Variants in TAMM41 observed in about 807,000 individuals in gnomAD.
TAMM41 encodes the protein TAM41 mitochondrial translocator assembly and maintenance homolog, also known as phosphatidate cytidylyltransferase, mitochondrial.
In TAMM41, 36 loss-of-function variants were observed where a neutral mutation model predicts 44.1. That is an observed-to-expected ratio of 0.82 (90% CI 0.63 to 1.08). TAMM41 has a LOEUF of 1.08. TAMM41 is among the 50% of genes least tolerant of loss of function. The probability of loss-of-function intolerance (pLI) is 0.00; values close to 1 mark genes in which losing one functional copy is unlikely to be tolerated. For synonymous variants in TAMM41, 164 were observed against 153.1 expected (o/e 1.07, Z -0.53); for missense variants, 417 against 404.3 (o/e 1.03, Z -0.27).
At chr3:11,757,987 A>G in the TAMM41 span, among the ~76,000 whole-genome samples, 10 of 152,146 alleles carry the variant, frequency 6.6e-5, no homozygotes, top group Non-Finnish European at 1.2e-4. Flanking sequence ...AGTTACAGAG[A>G]GCCATGGAAG....
intron 7 of TAMM41, among the ~76,000 whole-genome samples, chr3:11,796,894 C>T (rs539947754): frequency 4.6e-5 from 7 of 152,080 alleles, no homozygotes; most frequent in South Asian, 4.1e-4. Context: ...CAATTAAGAA[C>T]GCAACCCCAT....
chr3:11,833,113 T>C, intron 3 of TAMM41: 1 of 1,283,634 alleles, frequency 7.8e-7, no homozygotes, highest in South Asian at 1.3e-5. Flanking sequence ...TTGTTCAGAG[T>C]GAAAAGCCAG....
At chr3:11,784,806 T>C in the TAMM41 span, among the ~76,000 whole-genome samples, 28,028 of 147,736 alleles carry the variant, frequency 0.19, 2,757 homozygotes, top group Non-Finnish European at 0.22. Context: ...CTTTTTTTTT[T>C]TTTTTTTTTT....
chr3:11,828,562 T>C (rs1179936114), intron 4 of TAMM41, among the ~76,000 whole-genome samples: 1 of 152,176 alleles, frequency 6.6e-6, no homozygotes, highest in African/African-American at 2.4e-5. Context: ...ATCACTCTAA[T>C]AAAGTGACTT....
the TAMM41 span, among the ~76,000 whole-genome samples, chr3:11,764,050 T>C: frequency 2.0e-5 from 3 of 152,110 alleles, no homozygotes; most frequent in African/African-American, 4.8e-5. Context: ...GTCGCCCAGG[T>C]TGGGGTGAAG....
At chr3:11,742,259 C>G in the TAMM41 span, among the ~76,000 whole-genome samples, 2 of 150,132 alleles carry the variant, frequency 1.3e-5, no homozygotes, top group Admixed American at 1.3e-4. Flanking sequence ...CTCCTCATCC[C>G]AGACCCCTGA....
intron 7 of TAMM41, chr3:11,807,265 C>G (rs1575626085): frequency 7.0e-6 from 10 of 1,433,392 alleles, no homozygotes; most frequent in African/African-American, 5.7e-5. Context: ...GCCAAAACCA[C>G]CAGACAACTA....
intron 7 of TAMM41, among the ~76,000 whole-genome samples, chr3:11,802,211 C>A (rs1481445288): frequency 6.6e-6 from 1 of 152,060 alleles, no homozygotes. Context: ...TAGAGCCAGA[C>A]CCTGACTCAA....
At chr3:11,730,250 A>G in the TAMM41 span, among the ~76,000 whole-genome samples, 2 of 151,926 alleles carry the variant, frequency 1.3e-5, no homozygotes, top group Admixed American at 6.6e-5. Context: ...GCAAAACCCC[A>G]TCTCTACTAA....
At chr3:11,836,397 G>A (rs901934653) in intron 3 of TAMM41, among the ~76,000 whole-genome samples, 16 of 152,324 alleles carry the variant, frequency 1.1e-4, no homozygotes, top group African/African-American at 3.6e-4. Flanking sequence ...ATAGGTGGCA[G>A]GACTGAATAT....
intron 3 of TAMM41, among the ~76,000 whole-genome samples, chr3:11,838,575 G>A (rs145273036): frequency 8.2e-4 from 125 of 152,302 alleles, no homozygotes; most frequent in African/African-American, 2.7e-3. Context: ...CTGAGGAACC[G>A]CCAAATGGAA....
the TAMM41 span, among the ~76,000 whole-genome samples, chr3:11,740,954 C>T: frequency 1.4e-5 from 2 of 145,832 alleles, no homozygotes; most frequent in Admixed American, 6.8e-5. Flanking sequence ...GGCGTGGTGG[C>T]TCACGCCTGT....
chr3:11,769,954 A>G, the TAMM41 span, among the ~76,000 whole-genome samples: 1 of 152,230 alleles, frequency 6.6e-6, no homozygotes, highest in Non-Finnish European at 1.5e-5. Context: ...TATCTGTGAC[A>G]AGCCTGCCAA....
chr3:11,741,048 G>T, the TAMM41 span, among the ~76,000 whole-genome samples: 2 of 145,022 alleles, frequency 1.4e-5, no homozygotes, highest in Non-Finnish European at 3.0e-5. Flanking sequence ...GTGAAACCCC[G>T]CCTCTACTAA....
chr3:11,833,252 G>T, intron 3 of TAMM41: 1 of 956,306 alleles, frequency 1.0e-6, no homozygotes, highest in Non-Finnish European at 1.3e-6. Context: ...ACGACTGCCA[G>T]GGAGGAAAAT....
chr3:11,844,318 A>G, intron 1 of TAMM41, 107 bp from the exon 2 acceptor site: 1 of 1,050,710 alleles, frequency 9.5e-7, no homozygotes, highest in African/African-American at 1.6e-5. Context: ...AATAGTCAGA[A>G]GGCCTGGTGC....
chr3:11,808,302 C>T (rs905539270), intron 6 of TAMM41: 11 of 1,029,332 alleles, frequency 1.1e-5, no homozygotes, highest in Middle Eastern at 4.7e-4. Context: ...AACACACATA[C>T]GGATTCCACA....
At chr3:11,755,583 T>C in the TAMM41 span, among the ~76,000 whole-genome samples, 2 of 152,146 alleles carry the variant, frequency 1.3e-5, no homozygotes, top group Non-Finnish European at 2.9e-5. Context: ...TTCTGTGTAT[T>C]GTCGGGCGGG....
the TAMM41 span, among the ~76,000 whole-genome samples, chr3:11,777,885 A>G: frequency 6.6e-6 from 1 of 152,132 alleles, no homozygotes; most frequent in Non-Finnish European, 1.5e-5. Context: ...ACCTAAAAAG[A>G]AAACTTCCCA....
Sources: allele counts gnomAD v4.1 joint callset (sites outside exome capture counted in the v4.1 genomes callset), GRCh38; gene constraint gnomAD v4.1.1; transcripts MANE v1.5; gene names NCBI Gene and HGNC (gene_info 2026-07-23, HGNC 2026-07-21).